The following APC variants were observed in gnomAD, a reference collection of about 807,000 sequenced individuals.
APC encodes APC regulator of Wnt signaling pathway, also known as adenomatous polyposis coli protein.
Under a neutral mutation model 247.0 loss-of-function variants are expected in APC, and 72 were observed. The observed-to-expected ratio is 0.29, with a 90% CI of 0.24 to 0.35. The LOEUF (loss-of-function observed/expected upper bound fraction) is 0.35. Among genes scored for constraint, APC ranks in the 10% least tolerant of loss-of-function variants. The pLI is 1.00. For missense variants in APC, 3,400 were observed against 3,360.7 expected (o/e 1.01, Z -0.29); for synonymous variants, 1,254 against 1,162.5 (o/e 1.08, Z -1.60).
chr5:112,805,872 C>T (rs948375357), intron 8 of APC, among the ~76,000 whole-genome samples: 8 of 152,194 alleles, frequency 5.3e-5, no homozygotes, highest in Non-Finnish European at 8.8e-5. Context: ...GTTTCCTGCC[C>T]ACAATCATTC....
At chr5:112,738,037 G>A in intron 1 of APC, 112 bp downstream of exon 1, 1 of 716,550 alleles carries the variant, frequency 1.4e-6, no homozygotes, top group Non-Finnish European at 1.7e-6. Flanking sequence ...GTCCACTGCA[G>A]CATGCCAAAC....
intron 1 of APC, among the ~76,000 whole-genome samples, chr5:112,719,524 C>T (rs1751365640): frequency 6.7e-6 from 1 of 149,102 alleles, no homozygotes; most frequent in South Asian, 2.1e-4. Flanking sequence ...CACCCAGCCT[C>T]ATTTTCAATA....
chr5:112,766,465 T>C, intron 3 of APC, 55 bp downstream of exon 3: 1 of 1,227,760 alleles, frequency 8.1e-7, no homozygotes, highest in South Asian at 1.2e-5. Context: ...TTGTCATCTT[T>C]AGGTGTGTAG....
In APC at chr5:112,843,867, A is replaced by G. The variant is rs371616945; in HGVS notation, c.8273A>G (p.Glu2758Gly). 34 of 1,613,918 alleles carry G rather than the reference A, an allele frequency of 2.1e-5. No homozygotes were observed. Among genetic ancestry groups the G allele is most frequent in the Non-Finnish European group, 2.7e-5 (32 of 1,179,920 alleles). ...VSETNESSIV[E>G]RTPFSSSSSS... The stretch of plus-strand genomic sequence containing the variant: ...GAGACTAATGAAAGTTCTATAGTGG[A>G]ACGTACCCCATTCAGTTCTAGCAGC... Residue 2758 changes from glutamate to glycine, a missense_variant, in exon 16 of 16, where the codon GAA (glutamate) becomes GGA (glycine). By Grantham distance (98) the Glu-to-Gly change is moderately conservative. This residue lies in a region of APC where 1,788 missense variants were observed against 1,649.5 expected (regional missense o/e 1.08). Coordinates refer to ENST00000257430, the MANE Select transcript of APC (RefSeq NM_000038.6). This position sits in a 1 kb window ranked among gnomAD's most constrained non-coding sequence, Gnocchi z 4.8.
At chr5:112,814,538 A>T (rs1018775387) in intron 8 of APC, among the ~76,000 whole-genome samples, 2 of 152,172 alleles carry the variant, frequency 1.3e-5, no homozygotes, top group Non-Finnish European at 1.5e-5. Context: ...AGTTCAAGCC[A>T]ATTAATTTGA....
intron 8 of APC, chr5:112,810,041 T>G (rs1168481276): frequency 2.4e-6 from 1 of 420,352 alleles, no homozygotes; most frequent in Non-Finnish European, 4.7e-6. Context: ...TGTAAAGATG[T>G]CTAGATGTGA....
At chr5:112,826,212 A>AG (rs1302587329) in intron 11 of APC, among the ~76,000 whole-genome samples, 2 of 152,210 alleles carry the variant, frequency 1.3e-5, no homozygotes, top group Non-Finnish European at 2.9e-5. Context: ...GTAGTATCCA[A>AG]GAATTGCCTG....
In APC at chr5:112,838,949, C is replaced by G. The variant is rs1266515539; in HGVS notation, c.3355C>G (p.His1119Asp). The G allele has an allele frequency of 6.2e-7, 1 of 1,613,918 alleles. No individual in the cohort carries two copies. Among genetic ancestry groups the G allele is most frequent in the African/African-American group, 1.3e-5 (1 of 74,894 alleles). Reference sequence around the variant, plus strand: ...AGAAACAAATCGAGTGGGTTCTAATCATGGAATTAATCAAAATGTAAGCCA... The same window carrying G: ...AGAAACAAATCGAGTGGGTTCTAATGATGGAATTAATCAAAATGTAAGCCA... ...GSETNRVGSN[H>D]GINQNVSQSL... Residue 1119 changes from histidine to aspartate, a missense_variant, in exon 16 of 16, where the codon CAT becomes GAT. Physicochemically the swap from His to Asp is moderately conservative, Grantham distance 81 (BLOSUM62 -1). Transcript: ENST00000257430.
In APC at chr5:112,843,264, C is replaced by G. The variant is rs1580685433; in HGVS notation, c.7670C>G (p.Ser2557Cys). ...WKREHSKHSSSLPRVSTWRRT... is the reference protein window; with the variant it reads ...WKREHSKHSSCLPRVSTWRRT... ...CGTGAGCACAGCAAACATTCATCAT[C>G]CCTTCCTCGAGTAAGCACTTGGAGA... The change falls in exon 16 of 16, where the codon TCC becomes TGC. Residue 2557 changes from serine (S) to cysteine (C), a missense_variant. Physicochemically the swap from Ser to Cys is moderately radical, Grantham distance 112. Coordinates refer to ENST00000257430, the MANE Select transcript of APC (RefSeq NM_000038.6). The surrounding 1 kb of genome is among the most constrained non-coding windows in gnomAD (Gnocchi z 4.8). 2 of 1,613,582 alleles carry G rather than the reference C, an allele frequency of 1.2e-6. No individual in the cohort carries two copies. The highest frequency in any genetic ancestry group is 1.7e-5 in the Admixed American group (1 of 59,994).
At chr5:112,715,848 CTT>C (rs1027610774) in intron 1 of APC, among the ~76,000 whole-genome samples, 2 of 151,990 alleles carry the variant, frequency 1.3e-5, no homozygotes, top group African/African-American at 4.8e-5. Context: ...AGTATTCTAT[CTT>C]GTGATTATTT....
Position 112,845,350 on chromosome 5 carries a change from C to G in APC, c.*1224C>G, listed in dbSNP as rs1766893870. The stretch of plus-strand genomic sequence containing the variant: ...GCATAATAGGCCCACATAATTTCCT[C>G]TTTCTTAATATTATAGAATTCTGTA... On this transcript the variant is annotated 3_prime_UTR_variant, in exon 16 of 16. Transcript: ENST00000257430. 1 of 232,766 alleles carries G rather than the reference C, an allele frequency of 4.3e-6. No homozygotes were observed. The highest frequency in any genetic ancestry group is 8.5e-6 in the Non-Finnish European group (1 of 117,554). 14.4% of individuals were successfully genotyped at this position (232,766 alleles called of 1,614,324 possible).
intron 1 of APC, among the ~76,000 whole-genome samples, chr5:112,710,939 T>C (rs1158079902): frequency 6.6e-6 from 1 of 152,266 alleles, no homozygotes; most frequent in Admixed American, 6.5e-5. Context: ...TTCTGTGCTT[T>C]GCACTCGTAC....
At chr5:112,757,744 A>G (rs895205972) in intron 2 of APC, among the ~76,000 whole-genome samples, 1 of 152,180 alleles carries the variant, frequency 6.6e-6, no homozygotes, top group Non-Finnish European at 1.5e-5. Context: ...CTCCAACCGG[A>G]TTACTTAAAG....
At chr5:112,759,137 A>T (rs1755354691) in intron 2 of APC, among the ~76,000 whole-genome samples, 1 of 152,124 alleles carries the variant, frequency 6.6e-6, no homozygotes, top group Non-Finnish European at 1.5e-5. Flanking sequence ...GTAAGGAAAA[A>T]CCGAGATCAA....
At chr5:112,714,703 A>G (rs1457340000) in intron 1 of APC, among the ~76,000 whole-genome samples, 1 of 152,180 alleles carries the variant, frequency 6.6e-6, no homozygotes, top group Admixed American at 6.5e-5. Flanking sequence ...TATCACCACT[A>G]CTGAAACTTT....
intron 6 of APC, chr5:112,783,765 C>CAAAA (rs77929348): frequency 6.9e-4 from 137 of 197,986 alleles, no homozygotes; most frequent in Non-Finnish European, 8.6e-4. Context: ...CCACTGCACT[C>CAAAA]AAAAAAAAAA....
chr5:112,804,368 A>T (rs1176350130), intron 8 of APC, among the ~76,000 whole-genome samples: 1 of 152,172 alleles, frequency 6.6e-6, no homozygotes, highest in Non-Finnish European at 1.5e-5. Flanking sequence ...ATTAATAAAT[A>T]TTATTGACTT....
At position 112,707,577 on chromosome 5, in the gene APC, C is replaced by G. The variant is rs1750579738; in HGVS notation, c.-141C>G. ...CGGGGTGTGGCCGCCGGAAGCCTAG[C>G]CGCTGCTCGGGGGGGACCTGCGGGC... On this transcript the variant is annotated 5_prime_UTR_variant, in exon 1 of 14. Coordinates refer to the APC transcript ENST00000507379. 1 of 879,154 alleles carries G rather than the reference C, an allele frequency of 1.1e-6. No individual in the cohort carries two copies. Among genetic ancestry groups the G allele is most frequent in the Non-Finnish European group, 1.6e-6 (1 of 618,442 alleles). The allele number at this position is 879,154 out of a possible 1,614,324, so 54.5% of individuals were successfully genotyped here.
At chr5:112,819,700 A>C (rs976938357) in intron 10 of APC, among the ~76,000 whole-genome samples, 1 of 152,230 alleles carries the variant, frequency 6.6e-6, no homozygotes, top group Non-Finnish European at 1.5e-5. Flanking sequence ...AAGTTCCTAT[A>C]GCCATTAGTG....
Sources: allele counts gnomAD v4.1 joint callset (sites outside exome capture counted in the v4.1 genomes callset), GRCh38; gene constraint gnomAD v4.1.1; regional missense constraint gnomAD v4.1.1; non-coding constraint Gnocchi (gnomAD v3.1); transcripts MANE v1.5; gene names NCBI Gene and HGNC (gene_info 2026-07-23, HGNC 2026-07-21).